SFMBT2: variants seen among roughly 807,000 people sequenced by gnomAD.
The protein encoded by SFMBT2 is scm-like with four MBT domains protein 2.
SFMBT2 carries 38 observed loss-of-function variants against 110.1 expected under a neutral mutation model. The observed-to-expected ratio is 0.35, with a 90% CI of 0.27 to 0.45. The LOEUF (loss-of-function observed/expected upper bound fraction) is 0.45. Ranked by LOEUF, SFMBT2 falls within the 20% of genes least tolerant of loss-of-function variation. SFMBT2 has a pLI of 1.00. For synonymous variants in SFMBT2, 425 were observed against 425.4 expected (o/e 1.00, Z 0.01); for missense variants, 1,011 against 1,094.9 (o/e 0.92, Z 1.08).
chr10:7,323,059 C>T (rs556324262), intron 4 of SFMBT2, among the ~76,000 whole-genome samples: 34 of 152,218 alleles, frequency 2.2e-4, no homozygotes, highest in African/African-American at 7.7e-4. Flanking sequence ...GCAGAGAAAG[C>T]AAATTGAAAA....
intron 2 of SFMBT2, among the ~76,000 whole-genome samples, chr10:7,381,196 C>G (rs1779469435): frequency 6.6e-6 from 1 of 152,166 alleles, no homozygotes; most frequent in South Asian, 2.1e-4. Context: ...ACGCACTTCA[C>G]CACCAATCCG....
At chr10:7,268,989 T>TA (rs1344989092) in intron 7 of SFMBT2, among the ~76,000 whole-genome samples, 1 of 152,202 alleles carries the variant, frequency 6.6e-6, no homozygotes, top group African/African-American at 2.4e-5. Context: ...TAGACATGGA[T>TA]AGTATATGGA....
At chr10:7,173,298 C>T (rs540168746) in intron 17 of SFMBT2, among the ~76,000 whole-genome samples, 99 of 152,314 alleles carry the variant, frequency 6.5e-4, no homozygotes, top group African/African-American at 2.3e-3. Flanking sequence ...ATGACATCCA[C>T]CGGAGTGCTC....
At chr10:7,389,530 T>C (rs1408866468) in intron 1 of SFMBT2, among the ~76,000 whole-genome samples, 3 of 151,990 alleles carry the variant, frequency 2.0e-5, no homozygotes, top group Admixed American at 6.6e-5. Context: ...ACAATACACT[T>C]TGTGGTTTTG....
chr10:7,380,331 C>T (rs1157558907), intron 2 of SFMBT2, among the ~76,000 whole-genome samples: 1 of 152,108 alleles, frequency 6.6e-6, no homozygotes, highest in Non-Finnish European at 1.5e-5. Flanking sequence ...ACAAATGAGC[C>T]GATTTGGAAA....
chr10:7,388,745 G>A (rs1845689428), intron 1 of SFMBT2, among the ~76,000 whole-genome samples: 1 of 151,928 alleles, frequency 6.6e-6, no homozygotes, highest in African/African-American at 2.4e-5. Flanking sequence ...CAAAGACTTG[G>A]GGTGAGAACA....
chr10:7,331,383 G>A (rs75994655), intron 4 of SFMBT2, among the ~76,000 whole-genome samples: 2,451 of 152,274 alleles, frequency 0.016, 47 homozygotes, highest in African/African-American at 0.045. Context: ...CAATAATCCT[G>A]AAAGACAACC....
intron 7 of SFMBT2, 132 bp downstream of exon 7, chr10:7,276,760 T>A: frequency 1.6e-6 from 1 of 645,012 alleles, no homozygotes; most frequent in South Asian, 1.8e-5. Flanking sequence ...TCTCCTGATG[T>A]CGTGATCCGC....
At chr10:7,397,273 G>A (rs563432106) in intron 1 of SFMBT2, among the ~76,000 whole-genome samples, 1 of 152,056 alleles carries the variant, frequency 6.6e-6, no homozygotes, top group South Asian at 2.1e-4. Context: ...GCCTTCAAGA[G>A]GTCCAAGAAA....
At chr10:7,243,941 A>G in intron 8 of SFMBT2, 1 of 244,834 alleles carries the variant, frequency 4.1e-6, no homozygotes, top group Non-Finnish European at 6.6e-6. Flanking sequence ...TGGAAGAGTG[A>G]GAATGAACAA....
At chr10:7,270,473 A>G (rs79538038) in intron 7 of SFMBT2, among the ~76,000 whole-genome samples, 3,368 of 152,058 alleles carry the variant, frequency 0.022, 107 homozygotes, top group African/African-American at 0.076. Context: ...CACTCATTAC[A>G]AAATATAGTT....
chr10:7,374,028 C>G (rs1191521954), intron 2 of SFMBT2, among the ~76,000 whole-genome samples: 3 of 152,086 alleles, frequency 2.0e-5, no homozygotes, highest in African/African-American at 7.2e-5. Flanking sequence ...TTTGGGAGGG[C>G]AAGGAAGGTG....
chr10:7,391,877 T>C (rs1222042500), intron 1 of SFMBT2, among the ~76,000 whole-genome samples: 1 of 152,202 alleles, frequency 6.6e-6, no homozygotes, highest in Non-Finnish European at 1.5e-5. Context: ...GTCATTAAGA[T>C]TCTCTGAAAA....
Position 7,163,042 on chromosome 10 carries a change from G to C in SFMBT2, c.*728C>G, listed in dbSNP as rs534127417. On this transcript the variant is annotated 3_prime_UTR_variant, in exon 21 of 21. Coordinates refer to ENST00000397167, the MANE Select transcript of SFMBT2 (RefSeq NM_001387889.1). This position sits in a 1 kb window ranked among gnomAD's most constrained non-coding sequence, Gnocchi z 4.8. ...CACTTGAACCCGGGAGAGAGAGGTT[G>C]CAGTGAGCTGAGATTGCGCCACTGC... 6.5e-6 allele frequency: 1 copy of C among 153,300 alleles called. No homozygotes were observed. Among genetic ancestry groups the C allele is most frequent in the African/African-American group, 2.4e-5 (1 of 41,570 alleles). 9.5% of individuals were successfully genotyped at this position (153,300 alleles called of 1,614,324 possible). A position where few individuals can be genotyped will look rare whatever the true frequency, so the allele number is the denominator to read the frequency against.
chr10:7,197,415 T>C (rs1838810524), intron 15 of SFMBT2, 133 bp downstream of exon 15: 5 of 1,228,410 alleles, frequency 4.1e-6, no homozygotes, highest in East Asian at 2.4e-5. Flanking sequence ...GCCCACAGGA[T>C]GGAGAGAACG....
chr10:7,308,497 T>C (rs1489844467), intron 4 of SFMBT2, among the ~76,000 whole-genome samples: 1 of 151,726 alleles, frequency 6.6e-6, no homozygotes, highest in Non-Finnish European at 1.5e-5. Flanking sequence ...GAGAGAAATA[T>C]AAGGAAGGGT....
chr10:7,263,401 C>T (rs1333393155), intron 7 of SFMBT2, among the ~76,000 whole-genome samples: 1 of 152,048 alleles, frequency 6.6e-6, no homozygotes, highest in Admixed American at 6.5e-5. Context: ...CCACTAATGC[C>T]CAGGAAATTT....
chr10:7,404,972 A>G (rs761780456), intron 1 of SFMBT2, among the ~76,000 whole-genome samples: 13 of 152,222 alleles, frequency 8.5e-5, no homozygotes, highest in Non-Finnish European at 1.6e-4. Flanking sequence ...CTTACAATAC[A>G]GTCTTACAGT....
chr10:7,264,887 G>A (rs974761705), intron 7 of SFMBT2, among the ~76,000 whole-genome samples: 1 of 149,016 alleles, frequency 6.7e-6, no homozygotes, highest in Non-Finnish European at 1.5e-5. Context: ...ACAGTAGCAG[G>A]TTAGTGCCTG....
Sources: allele counts gnomAD v4.1 joint callset (sites outside exome capture counted in the v4.1 genomes callset), GRCh38; gene constraint gnomAD v4.1.1; non-coding constraint Gnocchi (gnomAD v3.1); transcripts MANE v1.5; gene names NCBI Gene and HGNC (gene_info 2026-07-23, HGNC 2026-07-21).